Variants in BBS9 observed in about 807,000 individuals in gnomAD.
BBS9 encodes protein PTHB1.
BBS9 carries 89 observed loss-of-function variants against 117.7 expected under a neutral mutation model. The ratio of observed to expected loss-of-function variants is 0.76; its 90% CI spans 0.64 to 0.90. The LOEUF (loss-of-function observed/expected upper bound fraction) is 0.90, where lower values mean the gene tolerates loss of function less well. Ranked by LOEUF, BBS9 falls within the 40% of genes least tolerant of loss-of-function variation. The pLI is 0.00. For missense variants in BBS9, 982 were observed against 1,042.2 expected, an observed-to-expected ratio of 0.94 and a Z score of 0.80; for synonymous variants, 379 against 370.9, an observed-to-expected ratio of 1.02 and a Z score of -0.25.
At chr7:33,439,556 G>A (rs1835838115) in intron 19 of BBS9, among the ~76,000 whole-genome samples, 1 of 135,698 alleles carries the variant, frequency 7.4e-6, no homozygotes, top group Non-Finnish European at 1.5e-5. Context: ...TTGGGATGGA[G>A]CCTTGCTTTG....
intron 10 of BBS9, among the ~76,000 whole-genome samples, chr7:33,338,456 T>C (rs1815831381): frequency 6.6e-6 from 1 of 152,100 alleles, no homozygotes; most frequent in Non-Finnish European, 1.5e-5. Context: ...TTATTTTAGT[T>C]TGGGGGCTTT....
chr7:33,277,260 A>G (rs1479001850), intron 9 of BBS9, among the ~76,000 whole-genome samples: 2 of 152,182 alleles, frequency 1.3e-5, no homozygotes, highest in Non-Finnish European at 2.9e-5. Flanking sequence ...CTGTTATTTA[A>G]TGTGACGAGA....
At chr7:33,370,029 G>A (rs1822555340) in intron 17 of BBS9, among the ~76,000 whole-genome samples, 1 of 152,142 alleles carries the variant, frequency 6.6e-6, no homozygotes, top group South Asian at 2.1e-4. Flanking sequence ...CATGTATGCT[G>A]TATGGCGATT....
chr7:33,322,368 T>A (rs1489488589), intron 9 of BBS9, among the ~76,000 whole-genome samples: 9 of 116,908 alleles, frequency 7.7e-5, no homozygotes, highest in African/African-American at 3.3e-4. Flanking sequence ...TTTTTTTTTT[T>A]TTTTTTTTTT....
At chr7:33,407,526 C>A (rs539173264) in intron 19 of BBS9, among the ~76,000 whole-genome samples, 200 of 152,246 alleles carry the variant, frequency 1.3e-3, no homozygotes, top group African/African-American at 4.6e-3. Flanking sequence ...TTTAGAGTTT[C>A]CAGTTTTTCT....
At chr7:33,273,350 A>C (rs1800172455) in intron 8 of BBS9, among the ~76,000 whole-genome samples, 155 bp downstream of exon 8, 1 of 152,198 alleles carries the variant, frequency 6.6e-6, no homozygotes, top group African/African-American at 2.4e-5. Context: ...GTTTGAATGG[A>C]AGTTTGATAT....
chr7:33,525,323 G>A, intron 20 of BBS9, among the ~76,000 whole-genome samples: 1 of 126,948 alleles, frequency 7.9e-6, no homozygotes. Context: ...CTGTCTCGTT[G>A]ATCTGTCTAA....
In BBS9 at chr7:33,513,251, C is replaced by T. The variant is rs183681025; in HGVS notation, c.2298+7606C>T. Among the ~76,000 whole-genome samples, 7 of 152,288 alleles carry T rather than the reference C, an allele frequency of 4.6e-5. No homozygotes were observed. The South Asian group carries it at 6.2e-4, about 14-fold the overall frequency. On this transcript the variant is annotated intron_variant, in intron 20 of 22. Coordinates refer to ENST00000242067, the MANE Select transcript of BBS9 (RefSeq NM_198428.3). ...TCTCCTGTCTACCCTTCCATCTATT[C>T]TCTATTCTCTTTAAGAAGTAAATCA... is the stretch of plus-strand genomic sequence containing the variant.
chr7:33,516,487 C>CAAAAA lies in BBS9; in HGVS notation c.2298+10862_2298+10866dup, dbSNP rs61006845. The stretch of plus-strand genomic sequence containing the variant: ...CTGGGCAGCAGAGCAATTTCATCTC[C>CAAAAA]AAAAAAAAAAAAAAAAAAAAAAAAG... On this transcript the variant is annotated intron_variant, in intron 20 of 22. Coordinates refer to ENST00000242067, the MANE Select transcript of BBS9 (RefSeq NM_198428.3). Among the ~76,000 whole-genome samples the CAAAAA allele has an allele frequency of 1.3e-3, 68 of 51,502 alleles. 4 individuals are homozygous for CAAAAA. Among genetic ancestry groups the CAAAAA allele is most frequent in the East Asian group, 3.6e-3 (6 of 1,664 alleles). The allele number at this position is 51,502 out of a possible 152,430, so 33.8% of individuals were successfully genotyped here.
chr7:33,390,520 A>C, intron 19 of BBS9: 1 of 966,646 alleles, frequency 1.0e-6, no homozygotes, highest in Non-Finnish European at 1.2e-6. Flanking sequence ...TGAGTACTAT[A>C]AGGATTTTGA....
intron 1 of BBS9, among the ~76,000 whole-genome samples, chr7:33,145,302 G>A (rs569908926): frequency 1.7e-4 from 26 of 152,172 alleles, no homozygotes; most frequent in Admixed American, 1.5e-3. Flanking sequence ...AGAGTCCCAG[G>A]GCATGTGATG....
chr7:33,235,189 A>G (rs1341395544), intron 5 of BBS9, among the ~76,000 whole-genome samples: 1 of 152,154 alleles, frequency 6.6e-6, no homozygotes, highest in East Asian at 1.9e-4. Context: ...AAGTGGCATC[A>G]TTTATGTTTA....
At position 33,616,493 on chromosome 7, in the gene BBS9, GTATATA is replaced by G. The variant is rs66529823; in HGVS notation, c.2522-18665_2522-18660del. Among the ~76,000 whole-genome samples, 195 of 136,418 alleles carry G rather than the reference GTATATA, an allele frequency of 1.4e-3. 1 individual carries two copies. The highest frequency in any genetic ancestry group is 4.8e-3 in the African/African-American group (183 of 37,870). The allele number at this position is 136,418 out of a possible 152,430, so 89.5% of individuals were successfully genotyped here. A position where few individuals can be genotyped will look rare whatever the true frequency, so the allele number is the denominator to read the frequency against. The stretch of plus-strand genomic sequence containing the variant: ...TTATATAATATATGTGTGTGTGTGT[GTATATA>G]TATATATATATATATATAGAAAGGA... On this transcript the variant is annotated intron_variant, in intron 21 of 21. Coordinates refer to the BBS9 transcript ENST00000671952.
intron 20 of BBS9, among the ~76,000 whole-genome samples, chr7:33,532,819 C>T (rs1236571444): frequency 6.6e-6 from 1 of 152,180 alleles, no homozygotes; most frequent in Non-Finnish European, 1.5e-5. Context: ...CTCTGAGTCT[C>T]AGGGCTCTTA....
At chr7:33,500,190 G>A (rs923522026) in intron 19 of BBS9, among the ~76,000 whole-genome samples, 3 of 152,180 alleles carry the variant, frequency 2.0e-5, no homozygotes, top group South Asian at 2.1e-4. Context: ...TTAAAGCTGC[G>A]ACAGTAGGAA....
intron 5 of BBS9, among the ~76,000 whole-genome samples, chr7:33,254,870 A>G (rs558910916): frequency 6.6e-6 from 1 of 152,254 alleles, no homozygotes; most frequent in South Asian, 2.1e-4. Flanking sequence ...GTGAGGTGAT[A>G]TCTCATTGTG....
chr7:33,454,836 G>A (rs1202249096), intron 19 of BBS9, among the ~76,000 whole-genome samples: 1 of 152,146 alleles, frequency 6.6e-6, no homozygotes, highest in Non-Finnish European at 1.5e-5. Flanking sequence ...CAGTCTCTTT[G>A]TACATCCCCT....
intron 11 of BBS9, among the ~76,000 whole-genome samples, chr7:33,344,078 GTTTTTTTTT>G (rs34530007): frequency 1.5e-5 from 1 of 67,466 alleles, no homozygotes; most frequent in Non-Finnish European, 2.5e-5. Flanking sequence ...TAGGGGATGA[GTTTTTTTTT>G]TTTTTTTTTT....
chr7:33,214,964 C>T (rs534608582), intron 5 of BBS9, among the ~76,000 whole-genome samples: 15 of 152,268 alleles, frequency 9.9e-5, no homozygotes, highest in Admixed American at 4.6e-4. Context: ...GAGGCCAAGG[C>T]GGGCGATCAC....
Sources: allele counts gnomAD v4.1 joint callset (sites outside exome capture counted in the v4.1 genomes callset), GRCh38; gene constraint gnomAD v4.1.1; transcripts MANE v1.5; gene names NCBI Gene and HGNC (gene_info 2026-07-23, HGNC 2026-07-21).